The following GALNT11 variants were observed in gnomAD, a reference collection of about 807,000 sequenced individuals.
GALNT11 encodes the protein UDP-GalNAc:polypeptide N-acetylgalactosaminyltransferase 11.
In GALNT11, 47 loss-of-function variants were observed where a neutral mutation model predicts 72.7. The observed-to-expected ratio is 0.65, with a 90% CI of 0.51 to 0.82. The LOEUF (loss-of-function observed/expected upper bound fraction) is 0.82. Among genes scored for constraint, GALNT11 ranks in the 40% least tolerant of loss-of-function variants. The pLI is 0.00. For synonymous variants in GALNT11, 270 were observed against 286.6 expected (o/e 0.94, Z 0.58); for missense variants, 677 against 778.4 (o/e 0.87, Z 1.55).
chr7:152,027,470 T>C lies in GALNT11; in HGVS notation c.-39+1586T>C, dbSNP rs139148106. 3.3e-3 allele frequency: 505 copies of C among 153,686 alleles called. 3 individuals carry two copies. The highest frequency in any genetic ancestry group is 5.6e-3 in the Admixed American group (86 of 15,300). The allele number at this position is 153,686 out of a possible 1,614,324, so 9.5% of individuals were successfully genotyped here. On this transcript the variant is annotated intron_variant, in intron 1 of 11. Transcript: ENST00000430044. Reference sequence around the variant, plus strand: ...CAACAACCCCCACGACATGAGGCGGTGTGGAGCAACATGCTGTTTTAATAA... The same window carrying C: ...CAACAACCCCCACGACATGAGGCGGCGTGGAGCAACATGCTGTTTTAATAA...
At position 152,118,779 on chromosome 7, in the gene GALNT11, T is replaced by A; in HGVS notation, c.1554T>A (p.Asn518Lys). The A allele has an allele frequency of 6.2e-7, 1 of 1,602,378 alleles. No homozygotes were observed. The highest frequency in any genetic ancestry group is 8.5e-7 in the Non-Finnish European group (1 of 1,176,770). Residue 518 changes from asparagine to lysine, a missense_variant, in exon 10 of 12, where the codon AAT becomes AAA. By Grantham distance (94) the Asn-to-Lys change is moderately conservative. Transcript: ENST00000430044. ...AGGCCTGTGACTACAGTGACCCAAA[T>A]CAGGTGAGTGACACCTCGGGGCTCA... ...VLKACDYSDPNQIWIYNEEHE... is the reference protein window; with the variant it reads ...VLKACDYSDPKQIWIYNEEHE...
rs757692047 is a variant in GALNT11 at position 152,120,900 on chromosome 7, C to T, written c.1627C>T (p.Arg543Cys). 6.8e-6 allele frequency: 11 copies of T among 1,613,402 alleles called. No individual in the cohort carries two copies. Among genetic ancestry groups the T allele is most frequent in the Admixed American group, 1.7e-5 (1 of 59,970 alleles). ...SLLCLDMSETRSSDPPRLMKC... is the reference protein window; with the variant it reads ...SLLCLDMSETCSSDPPRLMKC... ...CCTTTGTCTAGATATGTCAGAGACT[C>T]GCTCATCAGACCCGCCACGGCTCAT... is the stretch of plus-strand genomic sequence containing the variant. Residue 543 changes from arginine (R) to cysteine (C), a missense_variant, in exon 11 of 12, where the codon CGC (arginine) becomes TGC (cysteine). Arg to Cys is a radical substitution (Grantham distance 180). Transcript: ENST00000430044.
At chr7:152,038,609 C>G (rs2082700440) in intron 1 of GALNT11, among the ~76,000 whole-genome samples, 1 of 152,190 alleles carries the variant, frequency 6.6e-6, no homozygotes. Flanking sequence ...GGGGCCTGTT[C>G]CCAACATGTC....
At chr7:152,045,361 G>C (rs2083070121) in intron 1 of GALNT11, among the ~76,000 whole-genome samples, 1 of 152,072 alleles carries the variant, frequency 6.6e-6, no homozygotes, top group African/African-American at 2.4e-5. Flanking sequence ...CGGTAGGATT[G>C]GTATTAGTTC....
Position 152,117,349 on chromosome 7 carries a change from C to T in GALNT11, c.1426C>T (p.Arg476Ter), listed in dbSNP as rs2088962084. The T allele has an allele frequency of 8.7e-6, 14 of 1,614,014 alleles. No individual in the cohort carries two copies. Among genetic ancestry groups the T allele is most frequent in the Non-Finnish European group, 1.0e-5 (12 of 1,180,022 alleles). ...CATTTTTGTCAATAGAGGGCCAAAA[C>T]GACCCAAAGTCCTTCAACGTGGAAG... ...QPIFVNRGPK[R>*]PKVLQRGRLY... The change falls in exon 9 of 12, where the codon CGA becomes TGA. Residue 476 changes from arginine to a stop codon, truncating the protein, a stop_gained. Coordinates refer to ENST00000430044, the MANE Select transcript of GALNT11 (RefSeq NM_022087.4). LOFTEE classifies it high-confidence loss of function.
At chr7:152,057,210 G>T (rs144403101) in intron 1 of GALNT11, among the ~76,000 whole-genome samples, 180 of 150,580 alleles carry the variant, frequency 1.2e-3, no homozygotes, top group African/African-American at 4.3e-3. Context: ...CATGAAGAAA[G>T]TAATAGATTT....
At chr7:152,030,076 GT>G (rs1563036633) in intron 1 of GALNT11, among the ~76,000 whole-genome samples, 1 of 152,182 alleles carries the variant, frequency 6.6e-6, no homozygotes, top group African/African-American at 2.4e-5. Flanking sequence ...GGGTCGGTGG[GT>G]TTTTTCCCCG....
intron 8 of GALNT11, among the ~76,000 whole-genome samples, chr7:152,116,569 T>G (rs991397209): frequency 6.6e-6 from 1 of 152,208 alleles, no homozygotes; most frequent in Non-Finnish European, 1.5e-5. Context: ...TGCAACAGTG[T>G]AAAAATCTTA....
At chr7:152,050,335 C>G (rs2083335126) in intron 1 of GALNT11, among the ~76,000 whole-genome samples, 1 of 152,140 alleles carries the variant, frequency 6.6e-6, no homozygotes, top group African/African-American at 2.4e-5. Flanking sequence ...GTGATAAATC[C>G]TGCCAGTACT....
rs191382030 is a variant in GALNT11 at position 152,094,400 on chromosome 7, G to A, written c.173G>A (p.Arg58His). The A allele has an allele frequency of 1.9e-5, 30 of 1,613,942 alleles. No homozygotes were observed. The highest frequency in any genetic ancestry group is 3.3e-5 in the South Asian group (3 of 91,068). The change falls in exon 2 of 12, where the codon CGT becomes CAT. Residue 58 changes from arginine (R) to histidine (H), a missense_variant. Coordinates refer to ENST00000430044, the MANE Select transcript of GALNT11 (RefSeq NM_022087.4). The surrounding 1 kb of genome is among the most constrained non-coding windows in gnomAD (Gnocchi z 4.3). ...CCATCTCCAAAAAAATTCTATCCCCGTTTCACTCGAGGCCCAAGTCGAGTG... is the reference window on the plus strand; with the variant it reads ...CCATCTCCAAAAAAATTCTATCCCCATTTCACTCGAGGCCCAAGTCGAGTG... Reference protein sequence around the residue: ...HGPSPKKFYPRFTRGPSRVLE... With the variant: ...HGPSPKKFYPHFTRGPSRVLE...
intron 1 of GALNT11, among the ~76,000 whole-genome samples, chr7:152,028,218 C>A (rs2082129793): frequency 1.3e-5 from 2 of 152,170 alleles, no homozygotes; most frequent in South Asian, 2.1e-4. Context: ...CTTATTTGGC[C>A]CCACCCACAT....
chr7:152,051,262 C>T (rs2083392344), intron 1 of GALNT11, among the ~76,000 whole-genome samples: 2 of 135,328 alleles, frequency 1.5e-5, no homozygotes, highest in Non-Finnish European at 3.1e-5. Context: ...TGACCAGATC[C>T]ACATTTATTT....
At chr7:152,064,079 A>G (rs1321975269) in intron 1 of GALNT11, among the ~76,000 whole-genome samples, 1 of 152,078 alleles carries the variant, frequency 6.6e-6, no homozygotes, top group Admixed American at 6.5e-5. Context: ...TGCCATTATT[A>G]TTGTGTGGGA....
At chr7:152,078,447 C>T (rs992218734) in intron 1 of GALNT11, among the ~76,000 whole-genome samples, 18 of 152,268 alleles carry the variant, frequency 1.2e-4, no homozygotes, top group African/African-American at 3.1e-4. Context: ...ATGATCCACC[C>T]GCCTCGGCCT....
At chr7:152,110,397 T>G (rs1232182171) in intron 6 of GALNT11, 131 bp from the exon 7 acceptor site, 1 of 748,784 alleles carries the variant, frequency 1.3e-6, no homozygotes, top group African/African-American at 1.8e-5. Context: ...TGATACTGGA[T>G]AAAATGATTC....
chr7:152,083,609 T>G (rs2085445758), intron 1 of GALNT11, among the ~76,000 whole-genome samples: 1 of 152,216 alleles, frequency 6.6e-6, no homozygotes. Flanking sequence ...TCACTTGTTC[T>G]GCAGTGGGGC....
intron 1 of GALNT11, among the ~76,000 whole-genome samples, chr7:152,086,955 G>C (rs2085687261): frequency 6.6e-6 from 1 of 152,158 alleles, no homozygotes; most frequent in Non-Finnish European, 1.5e-5. Context: ...TTAAGGTATT[G>C]CTTAGCCCAA....
Position 152,094,247 on chromosome 7 carries a change from G to T in GALNT11, c.20G>T (p.Arg7Leu), listed in dbSNP as rs765436396. MGSVTV[R>L]YFCYGCLFTS... ...TCTATAATGGGAAGTGTCACAGTTC[G>T]GTATTTCTGTTATGGGTGCCTTTTT... Residue 7 changes from arginine to leucine, a missense_variant, in exon 2 of 12, where the codon CGG becomes CTG. By Grantham distance (102) the Arg-to-Leu change is moderately radical. Transcript: ENST00000430044. The surrounding 1 kb of genome is among the most constrained non-coding windows in gnomAD (Gnocchi z 4.3). The T allele has an allele frequency of 6.2e-7, 1 of 1,607,060 alleles. No homozygotes were observed. The highest frequency in any genetic ancestry group is 2.2e-5 in the East Asian group (1 of 44,808).
chr7:152,066,504 C>T (rs1381240190), intron 1 of GALNT11, among the ~76,000 whole-genome samples: 2 of 152,198 alleles, frequency 1.3e-5, no homozygotes, highest in African/African-American at 4.8e-5. Flanking sequence ...GTTGGAAATG[C>T]AGAAATCACC....
Sources: gnomAD v4.1 joint callset for allele counts (sites outside exome capture counted in the v4.1 genomes callset) on GRCh38, gnomAD v4.1.1 for gene constraint, Gnocchi (gnomAD v3.1) non-coding constraint, MANE v1.5 for transcripts, NCBI Gene and HGNC (gene_info 2026-07-23, HGNC 2026-07-21) for gene names.